Variants in ATP2B2 observed in about 807,000 individuals in gnomAD.
ATP2B2 encodes ATPase plasma membrane Ca2+ transporting 2.
A neutral mutation model predicts 120.0 loss-of-function variants in ATP2B2; 15 were observed. That is an observed-to-expected ratio of 0.12 (90% CI 0.08 to 0.19). The LOEUF is 0.19. Among genes scored for constraint, ATP2B2 ranks in the 10% least tolerant of loss-of-function variants. The pLI, the probability that ATP2B2 is intolerant of heterozygous loss-of-function variation, is 1.00. For missense variants in ATP2B2, 1,045 were observed against 1,719.8 expected (o/e 0.61, Z 6.94); for synonymous variants, 694 against 700.3 (o/e 0.99, Z 0.14).
intron 1 of ATP2B2, among the ~76,000 whole-genome samples, chr3:10,683,744 A>G (rs1438462984): frequency 2.9e-3 from 118 of 41,390 alleles, no homozygotes; most frequent in African/African-American, 0.011. Context: ...ATATGTGTAT[A>G]TATATGTGTG....
intron 22 of ATP2B2, chr3:10,336,350 G>C (rs764934181): frequency 6.5e-7 from 1 of 1,528,336 alleles, no homozygotes; most frequent in South Asian, 1.2e-5. Flanking sequence ...CGAGCACAAC[G>C]GCTACATGAC....
At position 10,332,296 on chromosome 3, in the gene ATP2B2, G is replaced by A. The variant is rs137880854; in HGVS notation, c.3421-3171C>T. ...GTGCCTTATCTGTCTAGCAAGGTACGGCGTCCAGAATGTGGCTTGGACCTG... is the reference window on the plus strand; with the variant it reads ...GTGCCTTATCTGTCTAGCAAGGTACAGCGTCCAGAATGTGGCTTGGACCTG... On this transcript the variant is annotated intron_variant, in intron 22 of 22. Coordinates refer to ENST00000360273, the MANE Select transcript of ATP2B2 (RefSeq NM_001001331.4). The A allele has an allele frequency of 1.8e-3, 823 of 468,146 alleles. 3 individuals carry two copies. The highest frequency in any genetic ancestry group is 0.014 in the African/African-American group (751 of 52,354). The allele number at this position is 468,146 out of a possible 1,614,324, so 29.0% of individuals were successfully genotyped here.
chr3:10,658,656 T>G (rs1375823211), intron 1 of ATP2B2, among the ~76,000 whole-genome samples: 1 of 152,082 alleles, frequency 6.6e-6, no homozygotes, highest in Non-Finnish European at 1.5e-5. Context: ...TGGAACCAAG[T>G]TGGAAAACAC....
chr3:10,367,343 G>A (rs535984899), intron 12 of ATP2B2, among the ~76,000 whole-genome samples: 2 of 151,994 alleles, frequency 1.3e-5, no homozygotes, highest in East Asian at 1.9e-4. Flanking sequence ...GGTGAGCAGC[G>A]ACCCTGGTAG....
chr3:10,335,645 C>T (rs1196038582), intron 22 of ATP2B2, among the ~76,000 whole-genome samples: 1 of 152,216 alleles, frequency 6.6e-6, no homozygotes, highest in Admixed American at 6.5e-5. Context: ...AAGGGGCTTG[C>T]TCCCCTTGAC....
At chr3:10,614,945 T>C (rs2069343112) in intron 2 of ATP2B2, among the ~76,000 whole-genome samples, 1 of 152,238 alleles carries the variant, frequency 6.6e-6, no homozygotes, top group Non-Finnish European at 1.5e-5. Context: ...AGTTGTCATA[T>C]GTCATGGGGC....
At chr3:10,656,985 G>T (rs2070647856) in intron 1 of ATP2B2, among the ~76,000 whole-genome samples, 1 of 152,234 alleles carries the variant, frequency 6.6e-6, no homozygotes, top group Non-Finnish European at 1.5e-5. Context: ...CCAGCGGCTG[G>T]CTGGACATGG....
At position 10,435,095 on chromosome 3, in the gene ATP2B2, G is replaced by A. The variant is rs148244612; in HGVS notation, c.199+14250C>T. On this transcript the variant is annotated intron_variant, in intron 2 of 22. Coordinates refer to ENST00000360273, the MANE Select transcript of ATP2B2 (RefSeq NM_001001331.4). ...CCAGGCCTGCCTTTCACAGCTGTGC[G>A]ACGTGGGCGAGTCCGTCAACCCCTC... is the stretch of plus-strand genomic sequence containing the variant. Among the ~76,000 whole-genome samples, 12 of 152,312 alleles carry A rather than the reference G, an allele frequency of 7.9e-5. No homozygotes were observed. In the East Asian group the frequency reaches 1.3e-3, roughly 17 times the overall value.
chr3:10,546,123 C>A (rs575569585), intron 2 of ATP2B2, among the ~76,000 whole-genome samples: 7 of 152,322 alleles, frequency 4.6e-5, no homozygotes, highest in Admixed American at 4.6e-4. Context: ...CATGTTAGTA[C>A]GCACACAGGC....
At chr3:10,435,295 C>T (rs371867429) in intron 2 of ATP2B2, among the ~76,000 whole-genome samples, 2 of 152,144 alleles carry the variant, frequency 1.3e-5, no homozygotes, top group Non-Finnish European at 1.5e-5. Context: ...CTGCTGGCCA[C>T]CAGGTGGTCC....
Position 10,386,461 on chromosome 3 carries a change from T to C in ATP2B2, c.940+19A>G. 6.2e-7 allele frequency: 1 copy of C among 1,613,542 alleles called. No individual in the cohort carries two copies. Among genetic ancestry groups the C allele is most frequent in the South Asian group, 1.1e-5 (1 of 91,080 alleles). ...GCTATTTCTAAAAGCCCATCTACCC[T>C]GAGGGTGTCTTACTGTACCTGGTAG... On this transcript the variant is annotated intron_variant, in intron 7 of 22. Transcript: ENST00000360273.
At chr3:10,338,676 A>G (rs1201698007) in intron 21 of ATP2B2, 1 of 378,500 alleles carries the variant, frequency 2.6e-6, no homozygotes, top group Non-Finnish European at 5.0e-6. Context: ...GGCTTTGAAT[A>G]CCCCAGACAA....
At chr3:10,457,435 C>T (rs116510806) in intron 1 of ATP2B2, among the ~76,000 whole-genome samples, 6,215 of 152,048 alleles carry the variant, frequency 0.041, 442 homozygotes, top group African/African-American at 0.14. Context: ...TGTAAGTGAC[C>T]GTGCTTTGTG....
At chr3:10,431,460 T>C (rs553822659) in intron 2 of ATP2B2, among the ~76,000 whole-genome samples, 1 of 152,242 alleles carries the variant, frequency 6.6e-6, no homozygotes, top group East Asian at 1.9e-4. Context: ...GGCAAAAAAA[T>C]GACGACTTGC....
chr3:10,532,047 A>C (rs1575466350), intron 3 of ATP2B2, among the ~76,000 whole-genome samples: 20 of 125,698 alleles, frequency 1.6e-4, no homozygotes, highest in African/African-American at 2.9e-4. Context: ...TGTGCCCCTC[A>C]CCCCCCCATC....
rs747175227 is a variant in ATP2B2 at position 10,371,959 on chromosome 3, C to A, written c.1509G>T (p.Thr503=). 7.4e-6 allele frequency: 12 copies of A among 1,614,210 alleles called. No individual in the cohort carries two copies. The East Asian group carries it at 1.8e-4, about 24-fold the overall frequency. The change falls in exon 12 of 23, where the codon ACG becomes ACT. Residue 503 remains threonine, a synonymous_variant. Coordinates refer to ENST00000360273, the MANE Select transcript of ATP2B2 (RefSeq NM_001001331.4). The part of the protein sequence containing the change: ...ATAICSDKTG[T]LTTNRMTVVQ... Reference sequence around the variant, plus strand: ...CCACTGTCATGCGATTGGTGGTCAGCGTGCCTGTCTTGTCTGAGCAGATGG... The same window carrying A: ...CCACTGTCATGCGATTGGTGGTCAGAGTGCCTGTCTTGTCTGAGCAGATGG...
At chr3:10,368,613 C>T (rs2061135098) in intron 12 of ATP2B2, among the ~76,000 whole-genome samples, 1 of 151,848 alleles carries the variant, frequency 6.6e-6, no homozygotes, top group Non-Finnish European at 1.5e-5. Flanking sequence ...CACATCCATC[C>T]ATCCATTTAC....
intron 2 of ATP2B2, among the ~76,000 whole-genome samples, chr3:10,575,460 A>G (rs2068223325): frequency 6.6e-6 from 1 of 152,210 alleles, no homozygotes; most frequent in Non-Finnish European, 1.5e-5. Flanking sequence ...GTCTTTAGAT[A>G]AGAGTTTCAG....
At position 10,677,545 on chromosome 3, in the gene ATP2B2, A is replaced by C. The variant is rs1250627937; in HGVS notation, c.-460+30370T>G. ...CACTTGCTATGAACCCTAATGCAATAATGGGCATGATGTGTCAATGTAGGC... is the reference window on the plus strand; with the variant it reads ...CACTTGCTATGAACCCTAATGCAATCATGGGCATGATGTGTCAATGTAGGC... On this transcript the variant is annotated intron_variant, in intron 1 of 21. Transcript: ENST00000646379. 4.6e-5 allele frequency among the ~76,000 whole-genome samples: 7 copies of C among 152,164 alleles called. No homozygotes were observed. In the East Asian group the frequency reaches 1.3e-3, roughly 29 times the overall value.
Sources: gnomAD v4.1 joint callset for allele counts (sites outside exome capture counted in the v4.1 genomes callset) on GRCh38, gnomAD v4.1.1 for gene constraint, MANE v1.5 for transcripts, NCBI Gene and HGNC (gene_info 2026-07-23, HGNC 2026-07-21) for gene names.